SKOR2: variants seen among roughly 807,000 people sequenced by gnomAD.
SKOR2 encodes the protein LBX1 corepressor 1-like protein.
In SKOR2, 47 loss-of-function variants were observed where a neutral mutation model predicts 69.1. The ratio of observed to expected loss-of-function variants is 0.68; its 90% confidence interval spans 0.54 to 0.87. The LOEUF (loss-of-function observed/expected upper bound fraction) is 0.87. Among genes scored for constraint, SKOR2 ranks in the 40% least tolerant of loss-of-function variants. The probability of loss-of-function intolerance (pLI) is 0.00; values close to 1 mark genes in which losing one functional copy is unlikely to be tolerated. For synonymous variants in SKOR2, 717 were observed against 672.6 expected (o/e 1.07, Z -1.02); for missense variants, 1,404 against 1,472.2 (o/e 0.95, Z 0.76).
Position 47,247,132 on chromosome 18 carries a change from G to A in SKOR2, c.2052C>T (p.Asp684=). The change falls in exon 2 of 9, where the codon GAC becomes GAT. Residue 684 remains aspartate (D), a synonymous_variant. Coordinates refer to ENST00000425639, the MANE Select transcript of SKOR2 (RefSeq NM_001278063.4). This position sits in a 1 kb window ranked among gnomAD's most constrained non-coding sequence, Gnocchi z 6.6. ...SPLLLLPPQP[D]EPGSERHHPA... ...GGTGGTGGCGCTCGGAACCCGGCTC[G>A]TCGGGCTGCGGGGGCAGCAGCAGAA... 3 of 1,281,358 alleles carry A rather than the reference G, an allele frequency of 2.3e-6. No individual in the cohort carries two copies. The highest frequency in any genetic ancestry group is 2.9e-6 in the Non-Finnish European group (3 of 1,022,070). 79.4% of individuals were successfully genotyped at this position (1,281,358 alleles called of 1,614,324 possible).
chr18:47,211,589 T>C (rs1445424654), intron 8 of SKOR2, among the ~76,000 whole-genome samples: 1 of 152,166 alleles, frequency 6.6e-6, no homozygotes, highest in Non-Finnish European at 1.5e-5. Flanking sequence ...GAAACTATTA[T>C]TGGTTTAGGG....
intron 6 of SKOR2, among the ~76,000 whole-genome samples, chr18:47,227,326 ATTTTTTTTTTTTT>A (rs778462203): frequency 4.4e-5 from 4 of 91,132 alleles, no homozygotes; most frequent in East Asian, 2.7e-4. Context: ...CAAGAAGCCA[ATTTTTTTTTTTTT>A]TTTTTTTTTT....
chr18:47,249,848 A>AT (rs999329853), intron 1 of SKOR2, among the ~76,000 whole-genome samples: 2 of 152,164 alleles, frequency 1.3e-5, no homozygotes, highest in African/African-American at 2.4e-5. Flanking sequence ...AATTAGAATT[A>AT]TTTTTTTGAA....
chr18:47,218,676 C>T (rs1437789747), intron 7 of SKOR2, among the ~76,000 whole-genome samples: 1 of 150,710 alleles, frequency 6.6e-6, no homozygotes, highest in East Asian at 1.9e-4. Context: ...TACATCGAAT[C>T]TTTTATTTAA....
intron 1 of SKOR2, among the ~76,000 whole-genome samples, chr18:47,250,701 G>A (rs1388078934): frequency 6.6e-6 from 1 of 152,144 alleles, no homozygotes; most frequent in Non-Finnish European, 1.5e-5. Context: ...CATTACATTT[G>A]GCGGCCTCCA....
At chr18:47,228,504 G>A (rs1409911256) in intron 6 of SKOR2, among the ~76,000 whole-genome samples, 1 of 152,168 alleles carries the variant, frequency 6.6e-6, no homozygotes, top group Admixed American at 6.5e-5. Context: ...TCCTTAGAAT[G>A]AATATGAATT....
Position 47,248,400 on chromosome 18 carries a change from C to A in SKOR2, c.784G>T (p.Ala262Ser). Reference protein sequence around the residue: ...ACHPLSSVKAAAVAAAAAVAG... With the variant: ...ACHPLSSVKASAVAAAAAVAG... ...ACCGCGGCCGCGGCGGCCACGGCGG[C>A]CGCCTTCACAGAGCTGAGCGGGTGG... Residue 262 changes from alanine to serine, a missense_variant, in exon 2 of 9, where the codon GCC becomes TCC. Physicochemically the swap from Ala to Ser is moderately conservative, Grantham distance 99. Coordinates refer to ENST00000425639, the MANE Select transcript of SKOR2 (RefSeq NM_001278063.4). This position sits in a 1 kb window ranked among gnomAD's most constrained non-coding sequence, Gnocchi z 6.4. 1.5e-6 allele frequency: 2 copies of A among 1,348,040 alleles called. No homozygotes were observed. The highest frequency in any genetic ancestry group is 1.9e-6 in the Non-Finnish European group (2 of 1,058,672). 83.5% of individuals were successfully genotyped at this position (1,348,040 alleles called of 1,614,324 possible). A position where few individuals can be genotyped will look rare whatever the true frequency, so the allele number is the denominator to read the frequency against.
intron 5 of SKOR2, 65 bp downstream of exon 5, chr18:47,230,870 C>T (rs545562208): frequency 6.9e-7 from 1 of 1,459,836 alleles, no homozygotes; most frequent in African/African-American, 1.4e-5. Context: ...CAAAAATATC[C>T]TCCTATTATC....
chr18:47,211,991 T>A (rs1173847970), intron 8 of SKOR2, 95 bp downstream of exon 8: 2 of 1,135,532 alleles, frequency 1.8e-6, no homozygotes, highest in African/African-American at 3.2e-5. Flanking sequence ...ACTTTACCAA[T>A]CCCTTGGGCT....
At chr18:47,207,510 G>C (rs145069139) in intron 8 of SKOR2, among the ~76,000 whole-genome samples, 3 of 152,206 alleles carry the variant, frequency 2.0e-5, no homozygotes, top group African/African-American at 4.8e-5. Context: ...CAGCTGTAGG[G>C]GGGTGAAAGC....
Position 47,246,964 on chromosome 18 carries a change from T to G in SKOR2, c.2220A>C (p.Glu740Asp), listed in dbSNP as rs770857797. 1.8e-5 allele frequency: 27 copies of G among 1,498,232 alleles called. 1 individual carries two copies. The South Asian group carries it at 3.0e-4, about 17-fold the overall frequency. The allele number at this position is 1,498,232 out of a possible 1,614,324, so 92.8% of individuals were successfully genotyped here. A position where few individuals can be genotyped will look rare whatever the true frequency, so the allele number is the denominator to read the frequency against. The change falls in exon 2 of 9, where the codon GAA becomes GAC. Residue 740 changes from glutamate to aspartate, a missense_variant. Physicochemically the swap from Glu to Asp is conservative, Grantham distance 45 (BLOSUM62 2). Around this residue, in one of 3 missense-constraint regions of SKOR2, gnomAD observed 1,266 missense variants for 1,309.9 expected, o/e 0.97. Coordinates refer to ENST00000425639, the MANE Select transcript of SKOR2 (RefSeq NM_001278063.4). ...GGCCCTCCACGTCCACCTCCTGCTC[T>G]TCTTCCTCGTCGTCCTCGTCCTCGG... is the stretch of plus-strand genomic sequence containing the variant. ...DSSEDEDDEEEEQEVDVEGHK... is the reference protein window; with the variant it reads ...DSSEDEDDEEDEQEVDVEGHK...
chr18:47,230,423 T>A, intron 6 of SKOR2, 36 bp downstream of exon 6: 1 of 1,202,538 alleles, frequency 8.3e-7, no homozygotes, highest in Non-Finnish European at 1.1e-6. Context: ...CGTAATCAAT[T>A]ATCATAAATA....
Position 47,246,722 on chromosome 18 carries a change from T to TGCA in SKOR2, c.2459_2461dup (p.Leu820dup), listed in dbSNP as rs1002755117. The TGCA allele has an allele frequency of 4.8e-6, 7 of 1,444,108 alleles. No homozygotes were observed. The highest frequency in any genetic ancestry group is 6.3e-6 in the Non-Finnish European group (7 of 1,112,204). 89.5% of individuals were successfully genotyped at this position (1,444,108 alleles called of 1,614,324 possible). The stretch of plus-strand genomic sequence containing the variant: ...GGGGTCCCCGAGTTTCCCGTCTTCC[T>TGCA]GCAGCAGCCTGGAGGAGTTCAGGCC... On this transcript the variant is annotated inframe_insertion, in exon 2 of 9. Coordinates refer to ENST00000425639, the MANE Select transcript of SKOR2 (RefSeq NM_001278063.4).
chr18:47,244,594 G>C (rs116556929), intron 4 of SKOR2, among the ~76,000 whole-genome samples: 2,023 of 152,192 alleles, frequency 0.013, 40 homozygotes, highest in African/African-American at 0.044. Context: ...GATATTAAAA[G>C]CAATAAGCTG....
chr18:47,245,680 A>AT, intron 2 of SKOR2, 119 bp from the exon 3 acceptor site: 1 of 829,120 alleles, frequency 1.2e-6, no homozygotes, highest in South Asian at 2.2e-5. Flanking sequence ...AGGAGACATC[A>AT]TTTTTTGACG....
intron 2 of SKOR2, among the ~76,000 whole-genome samples, 154 bp from the exon 3 acceptor site, chr18:47,245,715 T>C (rs955419328): frequency 2.0e-5 from 3 of 152,104 alleles, no homozygotes; most frequent in African/African-American, 4.8e-5. Flanking sequence ...ACTTTTTTAC[T>C]TAAATACATG....
chr18:47,206,689 C>G lies in SKOR2; in HGVS notation c.*207G>C, dbSNP rs966161616. 6.6e-6 allele frequency: 1 copy of G among 152,456 alleles called. No individual in the cohort carries two copies. Among genetic ancestry groups the G allele is most frequent in the Admixed American group, 6.6e-5 (1 of 15,264 alleles). The allele number at this position is 152,456 out of a possible 1,614,324, so 9.4% of individuals were successfully genotyped here. A position where few individuals can be genotyped will look rare whatever the true frequency, so the allele number is the denominator to read the frequency against. On this transcript the variant is annotated 3_prime_UTR_variant, in exon 9 of 9. Coordinates refer to ENST00000425639, the MANE Select transcript of SKOR2 (RefSeq NM_001278063.4). ...ATTGACTGCTCTGGTTGGCTCCCCC[C>G]TCCCCCCACTAATGAATGGCTGCTA...
chr18:47,243,258 G>T (rs1219210381), intron 4 of SKOR2, among the ~76,000 whole-genome samples: 1 of 152,164 alleles, frequency 6.6e-6, no homozygotes, highest in Non-Finnish European at 1.5e-5. Flanking sequence ...AGTACATATA[G>T]ACTTCCCATC....
intron 4 of SKOR2, among the ~76,000 whole-genome samples, chr18:47,231,592 C>G (rs1478846638): frequency 6.6e-6 from 1 of 151,930 alleles, no homozygotes; most frequent in Non-Finnish European, 1.5e-5. Flanking sequence ...GCCTATAATC[C>G]CAGCACTTTG....
Sources: allele counts gnomAD v4.1 joint callset (sites outside exome capture counted in the v4.1 genomes callset), GRCh38; gene constraint gnomAD v4.1.1; regional missense constraint gnomAD v4.1.1; non-coding constraint Gnocchi (gnomAD v3.1); transcripts MANE v1.5; gene names NCBI Gene and HGNC (gene_info 2026-07-23, HGNC 2026-07-21).